Variants in ROBO1 observed in about 807,000 individuals in gnomAD.
ROBO1 encodes the protein roundabout guidance receptor 1, also known as roundabout homolog 1.
A neutral mutation model predicts 195.9 loss-of-function variants in ROBO1; 149 were observed. That is an observed-to-expected ratio of 0.76 (90% CI 0.67 to 0.87). ROBO1 has a LOEUF of 0.87. ROBO1 is among the 40% of genes least tolerant of loss of function. The pLI is 0.00. For synonymous variants in ROBO1, 816 were observed against 733.2 expected (o/e 1.11, Z -1.82); for missense variants, 1,933 against 2,068.3 (o/e 0.93, Z 1.27).
chr3:79,440,402 T>C (rs1295437288), intron 2 of ROBO1, among the ~76,000 whole-genome samples: 1 of 152,126 alleles, frequency 6.6e-6, no homozygotes, highest in Non-Finnish European at 1.5e-5. Flanking sequence ...CTTCATCCTC[T>C]GTCTGGAATA....
rs182860923 is a variant in ROBO1, at chr3:78,727,397, C to G, written c.658-9514G>C. Among the ~76,000 whole-genome samples, 1,366 of 152,184 alleles carry G rather than the reference C, an allele frequency of 9.0e-3. 24 individuals carry two copies. Among genetic ancestry groups the G allele is most frequent in the African/African-American group, 0.031 (1,308 of 41,536 alleles). ...ATCCCAGCACTCTGGGAGGCCGAGG[C>G]GGGCGGATCACAAGGTCAGGAGATT... On this transcript the variant is annotated intron_variant, in intron 5 of 30. Coordinates refer to ENST00000464233, the MANE Select transcript of ROBO1 (RefSeq NM_002941.4).
At chr3:79,060,881 A>C (rs2078903773) in intron 3 of ROBO1, among the ~76,000 whole-genome samples, 1 of 152,184 alleles carries the variant, frequency 6.6e-6, no homozygotes, top group South Asian at 2.1e-4. Flanking sequence ...TGACATACCC[A>C]CAGCCAATAT....
intron 3 of ROBO1, among the ~76,000 whole-genome samples, chr3:78,993,845 T>C (rs183939255): frequency 4.6e-5 from 7 of 152,294 alleles, no homozygotes; most frequent in African/African-American, 1.7e-4. Context: ...TGCATCAAAA[T>C]CTGTTAAGCC....
chr3:79,561,481 T>TG (rs1942918660), intron 2 of ROBO1, among the ~76,000 whole-genome samples: 1 of 152,102 alleles, frequency 6.6e-6, no homozygotes, highest in Non-Finnish European at 1.5e-5. Context: ...GTGCCGCTGT[T>TG]GGAGCTGGAA....
chr3:79,388,907 G>A (rs1421306800), intron 2 of ROBO1, among the ~76,000 whole-genome samples: 3 of 151,992 alleles, frequency 2.0e-5, no homozygotes, highest in Non-Finnish European at 2.9e-5. Context: ...CCAAAGGCCA[G>A]ATAAATCTTT....
chr3:79,314,374 C>T (rs2033635099), intron 2 of ROBO1, among the ~76,000 whole-genome samples: 1 of 152,136 alleles, frequency 6.6e-6, no homozygotes, highest in Non-Finnish European at 1.5e-5. Context: ...GGAGGTTACC[C>T]TCATGCTGTT....
chr3:79,763,514 G>C (rs998565), intron 1 of ROBO1, among the ~76,000 whole-genome samples: 13,825 of 152,176 alleles, frequency 0.091, 655 homozygotes, highest in Non-Finnish European at 0.11. Context: ...AATGGATAGG[G>C]TTTGGCCAAA....
At chr3:78,645,443 T>C (rs1706218622) in intron 21 of ROBO1, among the ~76,000 whole-genome samples, 1 of 69,712 alleles carries the variant, frequency 1.4e-5, no homozygotes, top group African/African-American at 7.0e-5. Flanking sequence ...TAGATGTTAC[T>C]GTTTTGGAGA....
At chr3:79,410,666 G>A (rs1322587973) in intron 2 of ROBO1, among the ~76,000 whole-genome samples, 4 of 151,188 alleles carry the variant, frequency 2.6e-5, no homozygotes, top group Admixed American at 6.6e-5. Context: ...GGGAGGGAAA[G>A]AAAGAAAGAA....
chr3:79,608,032 CAAATAACTGTATGAGTTT>C (rs1944543964), intron 1 of ROBO1, among the ~76,000 whole-genome samples: 1 of 151,938 alleles, frequency 6.6e-6, no homozygotes, highest in South Asian at 2.1e-4. Flanking sequence ...ACGATTTCAT[CAAATAACTGTATGAGTTT>C]TATTCTTTAC....
At chr3:78,998,575 T>A (rs1408455758) in intron 3 of ROBO1, among the ~76,000 whole-genome samples, 1 of 152,140 alleles carries the variant, frequency 6.6e-6, no homozygotes, top group African/African-American at 2.4e-5. Flanking sequence ...CTTGTAAACA[T>A]AATTGTTCTT....
chr3:79,196,751 C>T (rs938941945), intron 2 of ROBO1, among the ~76,000 whole-genome samples: 5 of 151,758 alleles, frequency 3.3e-5, no homozygotes, highest in African/African-American at 1.2e-4. Flanking sequence ...AGACTATCAA[C>T]TGGTAGGATC....
At chr3:79,231,712 G>C (rs1198812109) in intron 2 of ROBO1, among the ~76,000 whole-genome samples, 1 of 152,088 alleles carries the variant, frequency 6.6e-6, no homozygotes, top group Non-Finnish European at 1.5e-5. Flanking sequence ...CCATTACTGG[G>C]TATATACCCA....
At chr3:79,619,215 A>G (rs1249565905) in intron 1 of ROBO1, among the ~76,000 whole-genome samples, 1 of 152,066 alleles carries the variant, frequency 6.6e-6, no homozygotes, top group Non-Finnish European at 1.5e-5. Flanking sequence ...AATTGTGGGG[A>G]CAACTGCTTT....
chr3:79,546,133 A>T (rs1235189609), intron 2 of ROBO1, among the ~76,000 whole-genome samples: 1 of 152,144 alleles, frequency 6.6e-6, no homozygotes, highest in Non-Finnish European at 1.5e-5. Context: ...TATAATACAT[A>T]CATTAATATT....
At chr3:79,538,098 C>T (rs1326279547) in intron 2 of ROBO1, among the ~76,000 whole-genome samples, 1 of 152,124 alleles carries the variant, frequency 6.6e-6, no homozygotes, top group Non-Finnish European at 1.5e-5. Context: ...TACAAACTCT[C>T]ACCAGAACCA....
chr3:79,405,306 T>G (rs1402426173), intron 2 of ROBO1, among the ~76,000 whole-genome samples: 1 of 152,218 alleles, frequency 6.6e-6, no homozygotes, highest in Non-Finnish European at 1.5e-5. Context: ...CGACTGCCAC[T>G]GGTGCTCAGA....
intron 2 of ROBO1, among the ~76,000 whole-genome samples, chr3:79,522,622 T>C (rs989653395): frequency 7.2e-5 from 11 of 152,082 alleles, no homozygotes; most frequent in Non-Finnish European, 1.3e-4. Context: ...GAGCTTTAAA[T>C]GGAAAGGGAA....
intron 2 of ROBO1, among the ~76,000 whole-genome samples, chr3:79,453,577 TAG>T (rs1407511444): frequency 2.0e-5 from 3 of 151,948 alleles, no homozygotes; most frequent in Non-Finnish European, 4.4e-5. Context: ...AGTCACAAGG[TAG>T]AGAGCCAGGA....
Sources: gnomAD v4.1 joint callset for allele counts (sites outside exome capture counted in the v4.1 genomes callset) on GRCh38, gnomAD v4.1.1 for gene constraint, MANE v1.5 for transcripts, NCBI Gene and HGNC (gene_info 2026-07-23, HGNC 2026-07-21) for gene names.